Variants in PLCE1 observed in about 807,000 individuals in gnomAD.
The protein encoded by PLCE1 is phospholipase C epsilon 1, also known as 1-phosphatidylinositol 4,5-bisphosphate phosphodiesterase epsilon-1.
A neutral mutation model predicts 242.8 loss-of-function variants in PLCE1; 119 were observed. The observed-to-expected ratio is 0.49, with a 90% CI of 0.42 to 0.57. The LOEUF (loss-of-function observed/expected upper bound fraction) is 0.57. Ranked by LOEUF, PLCE1 falls within the 20% of genes least tolerant of loss-of-function variation. PLCE1 has a pLI of 0.00. For synonymous variants in PLCE1, 945 were observed against 1,017.4 expected, an observed-to-expected ratio of 0.93 and a Z score of 1.35; for missense variants, 2,441 against 2,788.8, an observed-to-expected ratio of 0.88 and a Z score of 2.81.
rs1251120287 is a variant in PLCE1, at chr10:94,162,914, C to G, written c.1493-8266C>G. 2.0e-5 allele frequency among the ~76,000 whole-genome samples: 3 copies of G among 152,124 alleles called. No individual in the cohort carries two copies. The East Asian group carries it at 5.8e-4, about 29-fold the overall frequency. On this transcript the variant is annotated intron_variant, in intron 3 of 32. Coordinates refer to ENST00000371380, the MANE Select transcript of PLCE1 (RefSeq NM_016341.4). ...ATTTCTGCCTTCATTTCATTATGTA[C>G]CCAGTAGTCATTCAGGAGCAGGTTG...
At chr10:94,169,695 T>G (rs2047912418) in intron 3 of PLCE1, among the ~76,000 whole-genome samples, 1 of 152,206 alleles carries the variant, frequency 6.6e-6, no homozygotes. Flanking sequence ...TGTGTCAACT[T>G]TGAGTCACCC....
intron 14 of PLCE1, 24 bp downstream of exon 14, chr10:94,262,756 ATG>A (rs2051348151): frequency 1.4e-6 from 2 of 1,444,168 alleles, no homozygotes; most frequent in East Asian, 2.3e-5. Flanking sequence ...TTGTGTGTGC[ATG>A]TGTGTGTGAT....
chr10:94,142,976 C>T (rs946346789), intron 3 of PLCE1, among the ~76,000 whole-genome samples: 5 of 152,136 alleles, frequency 3.3e-5, no homozygotes, highest in South Asian at 2.1e-4. Flanking sequence ...TCTTTACTTT[C>T]GAGGGATTTA....
At chr10:94,125,975 C>G (rs2046424978) in intron 2 of PLCE1, among the ~76,000 whole-genome samples, 1 of 152,126 alleles carries the variant, frequency 6.6e-6, no homozygotes, top group African/African-American at 2.4e-5. Flanking sequence ...GCCTTTGTCT[C>G]CATCTGAATT....
At chr10:94,103,306 G>A (rs1052454993) in intron 2 of PLCE1, among the ~76,000 whole-genome samples, 4 of 152,126 alleles carry the variant, frequency 2.6e-5, no homozygotes, top group Non-Finnish European at 5.9e-5. Context: ...TTGAACCTTG[G>A]GCCTGACTCC....
At chr10:94,208,738 A>G (rs1388740109) in intron 4 of PLCE1, among the ~76,000 whole-genome samples, 1 of 152,212 alleles carries the variant, frequency 6.6e-6, no homozygotes, top group Non-Finnish European at 1.5e-5. Context: ...TGGAGTCTAC[A>G]ATAGGATATT....
At chr10:94,041,670 C>A (rs928053534) in intron 2 of PLCE1, among the ~76,000 whole-genome samples, 11 of 152,146 alleles carry the variant, frequency 7.2e-5, no homozygotes, top group Admixed American at 7.2e-4. Context: ...GCTTCCTAGA[C>A]AGAATTTTCC....
intron 2 of PLCE1, among the ~76,000 whole-genome samples, chr10:94,103,914 TC>T: frequency 6.6e-6 from 1 of 152,330 alleles, no homozygotes; most frequent in Non-Finnish European, 1.5e-5. Flanking sequence ...ACAAACTATC[TC>T]CTTTTTAAAG....
chr10:94,301,397 C>G (rs974491499), intron 24 of PLCE1, among the ~76,000 whole-genome samples: 2 of 151,658 alleles, frequency 1.3e-5, no homozygotes, highest in South Asian at 4.2e-4. Context: ...TCGAATAGAT[C>G]GATAAGAGTC....
chr10:94,078,349 A>T (rs1386227028), intron 2 of PLCE1, among the ~76,000 whole-genome samples: 2 of 152,196 alleles, frequency 1.3e-5, no homozygotes, highest in African/African-American at 2.4e-5. Flanking sequence ...TGTTTTCAGC[A>T]TCTATAACCC....
intron 3 of PLCE1, among the ~76,000 whole-genome samples, chr10:94,151,395 C>T (rs757595183): frequency 1.4e-4 from 22 of 152,260 alleles, no homozygotes; most frequent in East Asian, 1.2e-3. Flanking sequence ...GGCAAATGGA[C>T]GCAAACTTAG....
At chr10:94,302,605 C>T (rs1240586206) in intron 24 of PLCE1, among the ~76,000 whole-genome samples, 1 of 152,150 alleles carries the variant, frequency 6.6e-6, no homozygotes, top group Admixed American at 6.5e-5. Context: ...ATAAGATGTA[C>T]ATTATATGGC....
chr10:94,200,474 A>G (rs2048956885), intron 4 of PLCE1, among the ~76,000 whole-genome samples: 1 of 152,258 alleles, frequency 6.6e-6, no homozygotes, highest in South Asian at 2.1e-4. Flanking sequence ...AACCAAAAGT[A>G]TAAAATAAAT....
intron 4 of PLCE1, among the ~76,000 whole-genome samples, chr10:94,207,042 T>C (rs993466738): frequency 6.6e-6 from 1 of 152,254 alleles, no homozygotes; most frequent in Non-Finnish European, 1.5e-5. Context: ...GTATTAACCA[T>C]TGTATGTAGC....
rs59633337 is a variant in PLCE1 at position 94,220,376 on chromosome 10, TTATATATATATATATATATATA to T, written c.1810-6908_1810-6887del. Among the ~76,000 whole-genome samples the T allele has an allele frequency of 5.7e-3, 353 of 61,912 alleles. 8 individuals carry two copies. Among genetic ancestry groups the T allele is most frequent in the African/African-American group, 0.02 (318 of 15,988 alleles). 40.6% of individuals were successfully genotyped at this position (61,912 alleles called of 152,430 possible). On this transcript the variant is annotated intron_variant, in intron 4 of 32. Coordinates refer to ENST00000371380, the MANE Select transcript of PLCE1 (RefSeq NM_016341.4). ...AATAAAAGCTTAAAAACTAAACATT[TTATATATATATATATATATATA>T]TATATATATATATATATATATGATT...
At chr10:94,268,444 A>G (rs571070636) in intron 16 of PLCE1, among the ~76,000 whole-genome samples, 3 of 152,332 alleles carry the variant, frequency 2.0e-5, no homozygotes, top group African/African-American at 7.2e-5. Context: ...AAGATGTTTA[A>G]TCGTGGCTTA....
intron 3 of PLCE1, among the ~76,000 whole-genome samples, chr10:94,145,005 A>G (rs2047072144): frequency 6.6e-6 from 1 of 152,254 alleles, no homozygotes; most frequent in Non-Finnish European, 1.5e-5. Flanking sequence ...ATGGGAAGCC[A>G]TCAGAGGGTT....
intron 3 of PLCE1, among the ~76,000 whole-genome samples, chr10:94,136,776 C>T (rs532925040): frequency 6.6e-6 from 1 of 152,314 alleles, no homozygotes; most frequent in Non-Finnish European, 1.5e-5. Flanking sequence ...TAACCAGAGA[C>T]ACTTTCTTAT....
At chr10:94,138,508 G>A (rs1267207806) in intron 3 of PLCE1, 8 of 468,762 alleles carry the variant, frequency 1.7e-5, no homozygotes, top group Non-Finnish European at 3.4e-5. Context: ...TAGTAATGGA[G>A]ATGTTCCAGC....
Sources: gnomAD v4.1 joint callset for allele counts (sites outside exome capture counted in the v4.1 genomes callset) on GRCh38, gnomAD v4.1.1 for gene constraint, MANE v1.5 for transcripts, NCBI Gene and HGNC (gene_info 2026-07-23, HGNC 2026-07-21) for gene names.